The following RAD54L2 variants were observed in gnomAD, a reference collection of about 807,000 sequenced individuals.
The protein encoded by RAD54L2 is RAD54 like 2.
Under a neutral mutation model 138.4 loss-of-function variants are expected in RAD54L2, and 27 were observed. The ratio of observed to expected loss-of-function variants is 0.20; its 90% CI spans 0.14 to 0.27. The LOEUF (loss-of-function observed/expected upper bound fraction) is 0.27, where lower values mean the gene tolerates loss of function less well. Among genes scored for constraint, RAD54L2 ranks in the 10% least tolerant of loss-of-function variants. The probability of loss-of-function intolerance (pLI) is 1.00; values close to 1 mark genes in which losing one functional copy is unlikely to be tolerated. For missense variants in RAD54L2, 1,396 were observed against 1,890.2 expected, an observed-to-expected ratio of 0.74 and a Z score of 4.85; for synonymous variants, 644 against 723.2, an observed-to-expected ratio of 0.89 and a Z score of 1.76.
chr3:51,608,611 G>A (rs911384247), intron 3 of RAD54L2, among the ~76,000 whole-genome samples: 2 of 152,206 alleles, frequency 1.3e-5, no homozygotes, highest in Non-Finnish European at 2.9e-5. Flanking sequence ...GATCACTCCT[G>A]GTCAGGAGCT....
intron 2 of RAD54L2, among the ~76,000 whole-genome samples, chr3:51,578,155 CT>C (rs1396973238): frequency 6.6e-6 from 1 of 151,090 alleles, no homozygotes; most frequent in African/African-American, 2.4e-5. Context: ...GCCCCACCCC[CT>C]GGTCCAGGAT....
At chr3:51,581,174 T>C (rs2106688697) in intron 2 of RAD54L2, among the ~76,000 whole-genome samples, 1 of 152,316 alleles carries the variant, frequency 6.6e-6, no homozygotes, top group East Asian at 1.9e-4. Context: ...CTGGACCCAC[T>C]GCAACCTCCA....
chr3:51,588,600 A>G (rs1699765272), intron 2 of RAD54L2, among the ~76,000 whole-genome samples: 2 of 151,914 alleles, frequency 1.3e-5, no homozygotes, highest in South Asian at 4.2e-4. Flanking sequence ...AGAATTGGTC[A>G]GTGAATTTAC....
intron 3 of RAD54L2, among the ~76,000 whole-genome samples, chr3:51,624,669 A>T (rs1196868927): frequency 1.3e-5 from 2 of 152,220 alleles, no homozygotes; most frequent in African/African-American, 4.8e-5. Context: ...AGATATAATA[A>T]CGGGCATAGC....
intron 3 of RAD54L2, among the ~76,000 whole-genome samples, chr3:51,605,544 C>T (rs1349675920): frequency 6.6e-6 from 1 of 150,550 alleles, no homozygotes; most frequent in Non-Finnish European, 1.5e-5. Flanking sequence ...CCTCCACCTC[C>T]CAGGTTGCAG....
At chr3:51,649,535 G>A (rs2106832912) in intron 19 of RAD54L2, among the ~76,000 whole-genome samples, 1 of 152,262 alleles carries the variant, frequency 6.6e-6, no homozygotes. Flanking sequence ...AAATGTTAAG[G>A]GCAGCCAGAG....
chr3:51,645,533 T>G lies in RAD54L2; in HGVS notation c.2657-58T>G. On this transcript the variant is annotated intron_variant, in intron 17 of 22. Coordinates refer to ENST00000684192, the MANE Select transcript of RAD54L2 (RefSeq NM_015106.4). This position sits in a 1 kb window ranked among gnomAD's most constrained non-coding sequence, Gnocchi z 6.1. Reference sequence around the variant, plus strand: ...ATATGGGATGACTTTTCATTATTAGTGACCTTTACAGTTTTTAATGCCATG... The same window carrying G: ...ATATGGGATGACTTTTCATTATTAGGGACCTTTACAGTTTTTAATGCCATG... 6.8e-7 allele frequency: 1 copy of G among 1,469,066 alleles called. No homozygotes were observed. The highest frequency in any genetic ancestry group is 1.4e-5 in the African/African-American group (1 of 71,158). The allele number at this position is 1,469,066 out of a possible 1,614,324, so 91.0% of individuals were successfully genotyped here.
At chr3:51,647,696 C>T (rs991122088) in intron 19 of RAD54L2, among the ~76,000 whole-genome samples, 8 of 151,908 alleles carry the variant, frequency 5.3e-5, no homozygotes, top group Non-Finnish European at 8.8e-5. Context: ...TTCTTTTAGT[C>T]GAGATGAGGT....
rs149696747 is a variant in RAD54L2, at chr3:51,663,350, C to G, written c.4334C>G (p.Ala1445Gly). 1 of 1,613,802 alleles carries G rather than the reference C, an allele frequency of 6.2e-7. No homozygotes were observed. Among genetic ancestry groups the G allele is most frequent in the Non-Finnish European group, 8.5e-7 (1 of 1,179,866 alleles). The change falls in exon 23 of 23, where the codon GCC becomes GGC. Residue 1445 changes from alanine (A) to glycine (G), a missense_variant. Transcript: ENST00000684192. ...CCTCCATTTGACTCTCATGAGGTTGCCGAGGTTGGGTTCAGCTCCAATGAT... is the reference window on the plus strand; with the variant it reads ...CCTCCATTTGACTCTCATGAGGTTGGCGAGGTTGGGTTCAGCTCCAATGAT... The part of the protein sequence containing the change: ...QVPPFDSHEV[A>G]EVGFSSNDDE...
intron 3 of RAD54L2, among the ~76,000 whole-genome samples, chr3:51,625,288 C>T (rs921403350): frequency 1.3e-5 from 2 of 151,788 alleles, no homozygotes; most frequent in Non-Finnish European, 2.9e-5. Context: ...CGTGGTGGCA[C>T]GTGCCTGTAA....
chr3:51,642,996 T>C (rs1400182037), intron 15 of RAD54L2, among the ~76,000 whole-genome samples: 1 of 151,926 alleles, frequency 6.6e-6, no homozygotes, highest in Non-Finnish European at 1.5e-5. Flanking sequence ...AGATGACAAG[T>C]GTTGCCATTA....
At chr3:51,640,034 C>T (rs1347436663) in intron 14 of RAD54L2, 35 bp downstream of exon 14, 2 of 1,485,604 alleles carry the variant, frequency 1.3e-6, no homozygotes, top group Non-Finnish European at 1.9e-6. Context: ...GGCTGTGTGT[C>T]TATGGTAAAG....
intron 3 of RAD54L2, among the ~76,000 whole-genome samples, chr3:51,617,229 TA>T (rs1163157665): frequency 6.6e-6 from 1 of 152,204 alleles, no homozygotes. Flanking sequence ...TCGTTTCTCT[TA>T]GATAAAATAC....
Position 51,639,573 on chromosome 3 carries a change from C to T in RAD54L2, c.2015C>T (p.Ala672Val). 3.1e-6 allele frequency: 5 copies of T among 1,614,006 alleles called. No individual in the cohort carries two copies. Among genetic ancestry groups the T allele is most frequent in the Non-Finnish European group, 4.2e-6 (5 of 1,179,892 alleles). The part of the protein sequence containing the change: ...TKGKGEDSTL[A>V]SSMGEATNSK... ...GGCAAGGGAGAGGATAGCACCTTGG[C>T]TTCCTCGATGGGAGAGGCAACCAAT... is the stretch of plus-strand genomic sequence containing the variant. Residue 672 changes from alanine (A) to valine (V), a missense_variant, in exon 13 of 23, where the codon GCT becomes GTT. Physicochemically the swap from Ala to Val is moderately conservative, Grantham distance 64. Around this residue, in one of 7 missense-constraint regions of RAD54L2, gnomAD observed 211 missense variants for 273.8 expected, o/e 0.77. Coordinates refer to ENST00000684192, the MANE Select transcript of RAD54L2 (RefSeq NM_015106.4).
chr3:51,572,957 A>G (rs1303211871), intron 2 of RAD54L2, among the ~76,000 whole-genome samples: 1 of 152,020 alleles, frequency 6.6e-6, no homozygotes, highest in Admixed American at 6.6e-5. Context: ...ATAAATTTTA[A>G]GCACTCTTAT....
chr3:51,541,919 C>T (rs1378238235), intron 2 of RAD54L2: 3 of 152,116 alleles, frequency 2.0e-5, no homozygotes, highest in Non-Finnish European at 4.4e-5. Context: ...AAAATAAAAA[C>T]TTGTTTATTT....
At chr3:51,659,912 T>C in intron 21 of RAD54L2, 114 bp from the exon 22 acceptor site, 1 of 639,146 alleles carries the variant, frequency 1.6e-6, no homozygotes, top group East Asian at 2.8e-5. Flanking sequence ...TCTTGGGAGA[T>C]GGTATACCTA....
At chr3:51,568,697 A>G (rs1699270345) in intron 2 of RAD54L2, among the ~76,000 whole-genome samples, 1 of 152,188 alleles carries the variant, frequency 6.6e-6, no homozygotes, top group South Asian at 2.1e-4. Context: ...TCTAGGATGA[A>G]TGAGTATCCT....
Position 51,638,500 on chromosome 3 carries a change from A to C in RAD54L2, c.1860+179A>C, listed in dbSNP as rs1701046675. 4 of 681,086 alleles carry C rather than the reference A, an allele frequency of 5.9e-6. No homozygotes were observed. The highest frequency in any genetic ancestry group is 9.7e-6 in the Non-Finnish European group (4 of 413,200). The allele number at this position is 681,086 out of a possible 1,614,324, so 42.2% of individuals were successfully genotyped here. On this transcript the variant is annotated intron_variant, in intron 12 of 22. Coordinates refer to ENST00000684192, the MANE Select transcript of RAD54L2 (RefSeq NM_015106.4). This position sits in a 1 kb window ranked among gnomAD's most constrained non-coding sequence, Gnocchi z 4.3. ...GAGAGGTGATGGTTTTGTACCACAT[A>C]ACTCCTGGGGGTGCCATTCACACAG...
Sources: gnomAD v4.1 joint callset for allele counts (sites outside exome capture counted in the v4.1 genomes callset) on GRCh38, gnomAD v4.1.1 for gene constraint, gnomAD v4.1.1 regional missense constraint, Gnocchi (gnomAD v3.1) non-coding constraint, MANE v1.5 for transcripts, NCBI Gene and HGNC (gene_info 2026-07-23, HGNC 2026-07-21) for gene names.